CTNND2: variants seen among roughly 807,000 people sequenced by gnomAD.
The protein encoded by CTNND2 is catenin delta 2, also known as catenin delta-2.
Under a neutral mutation model 144.4 loss-of-function variants are expected in CTNND2, and 22 were observed. The observed-to-expected ratio is 0.15, with a 90% CI of 0.11 to 0.22. The LOEUF is 0.22. Among genes scored for constraint, CTNND2 ranks in the 10% least tolerant of loss-of-function variants. CTNND2 has a pLI of 1.00. For missense variants in CTNND2, 1,353 were observed against 1,618.8 expected (o/e 0.84, Z 2.82); for synonymous variants, 751 against 695.6 (o/e 1.08, Z -1.25).
At chr5:11,356,585 T>C (rs1168251873) in intron 8 of CTNND2, among the ~76,000 whole-genome samples, 3 of 151,886 alleles carry the variant, frequency 2.0e-5, no homozygotes, top group Admixed American at 2.0e-4. Context: ...ACCAGAAACT[T>C]TGAAACAACT....
chr5:11,039,090 G>A (rs959766991), intron 16 of CTNND2, among the ~76,000 whole-genome samples: 1 of 152,200 alleles, frequency 6.6e-6, no homozygotes, highest in Non-Finnish European at 1.5e-5. Context: ...AAGCAAGCAA[G>A]CAAGCAAACA....
At chr5:11,570,839 CTTTTT>C (rs954979782) in intron 2 of CTNND2, among the ~76,000 whole-genome samples, 7 of 151,970 alleles carry the variant, frequency 4.6e-5, no homozygotes, top group Admixed American at 2.6e-4. Context: ...TTTTCTCCTC[CTTTTT>C]AACATTACTC....
chr5:11,150,098 G>A (rs573614450), intron 12 of CTNND2, among the ~76,000 whole-genome samples: 38 of 152,284 alleles, frequency 2.5e-4, no homozygotes, highest in African/African-American at 8.9e-4. Context: ...GAAGGCAAGT[G>A]CTAATTCTCT....
intron 2 of CTNND2, among the ~76,000 whole-genome samples, chr5:11,606,115 C>A (rs1341420772): frequency 2.0e-5 from 3 of 152,038 alleles, no homozygotes; most frequent in African/African-American, 4.8e-5. Context: ...AAGCCACGAG[C>A]CAAGGAATAC....
intron 1 of CTNND2, among the ~76,000 whole-genome samples, chr5:11,879,339 G>GTATATA (rs368634452): frequency 0.039 from 3,967 of 100,864 alleles, 355 homozygotes; most frequent in African/African-American, 0.071. Flanking sequence ...AATTAAATGT[G>GTATATA]TGTATATATA....
intron 12 of CTNND2, among the ~76,000 whole-genome samples, chr5:11,150,346 C>G (rs955346918): frequency 6.6e-6 from 1 of 152,164 alleles, no homozygotes; most frequent in Non-Finnish European, 1.5e-5. Flanking sequence ...AGTGACGGGA[C>G]AAAGTCGTTA....
chr5:11,880,442 G>A (rs1261217160), intron 1 of CTNND2, among the ~76,000 whole-genome samples: 1 of 151,088 alleles, frequency 6.6e-6, no homozygotes, highest in Non-Finnish European at 1.5e-5. Context: ...GTCAGGTGTG[G>A]GGGTCTATGA....
intron 1 of CTNND2, among the ~76,000 whole-genome samples, chr5:11,809,996 T>C (rs979064429): frequency 1.3e-5 from 2 of 152,140 alleles, no homozygotes; most frequent in South Asian, 2.1e-4. Context: ...GAAGCAAACA[T>C]ACAGAACCTG....
chr5:11,891,035 C>G (rs1000674724), intron 1 of CTNND2, among the ~76,000 whole-genome samples: 1 of 152,116 alleles, frequency 6.6e-6, no homozygotes, highest in African/African-American at 2.4e-5. Context: ...CTGCAGAAAC[C>G]CTGGTGAGCA....
At chr5:11,177,088 T>C (rs933148787) in intron 11 of CTNND2, among the ~76,000 whole-genome samples, 2 of 152,346 alleles carry the variant, frequency 1.3e-5, no homozygotes, top group South Asian at 2.1e-4. Flanking sequence ...GTACATAATC[T>C]TGTGATTGAA....
At chr5:11,530,020 C>T (rs1241257836) in intron 3 of CTNND2, among the ~76,000 whole-genome samples, 1 of 150,148 alleles carries the variant, frequency 6.7e-6, no homozygotes, top group Non-Finnish European at 1.5e-5. Flanking sequence ...AATATTGTAC[C>T]TTGCAGTAAG....
At chr5:11,482,904 G>C (rs1768420580) in intron 3 of CTNND2, among the ~76,000 whole-genome samples, 1 of 152,092 alleles carries the variant, frequency 6.6e-6, no homozygotes, top group African/African-American at 2.4e-5. Flanking sequence ...TGGTGTGAGA[G>C]GGTCAGCAGG....
At chr5:11,596,728 C>G (rs1779520524) in intron 2 of CTNND2, among the ~76,000 whole-genome samples, 1 of 152,120 alleles carries the variant, frequency 6.6e-6, no homozygotes, top group African/African-American at 2.4e-5. Context: ...TTGGGAAGTT[C>G]AGATGCGTAG....
chr5:11,259,796 C>A lies in CTNND2; in HGVS notation c.1629-22973G>T, dbSNP rs1360262470. ...ACAGGAATAAAAGATCTGAAAAGAA[C>A]CGCTTTGTTGAGGCCATCAGTTTGT... On this transcript the variant is annotated intron_variant, in intron 9 of 21. Transcript: ENST00000304623. Among the ~76,000 whole-genome samples, 3 of 152,144 alleles carry A rather than the reference C, an allele frequency of 2.0e-5. No individual in the cohort carries two copies. The East Asian group carries it at 5.8e-4, about 29-fold the overall frequency.
At chr5:11,815,873 A>C (rs1581930127) in intron 1 of CTNND2, among the ~76,000 whole-genome samples, 1 of 152,050 alleles carries the variant, frequency 6.6e-6, no homozygotes, top group African/African-American at 2.4e-5. Context: ...TGTTCCTTCT[A>C]ACTTTGTGGG....
At chr5:11,343,208 T>TA (rs1754440404) in intron 9 of CTNND2, among the ~76,000 whole-genome samples, 1 of 152,160 alleles carries the variant, frequency 6.6e-6, no homozygotes, top group Non-Finnish European at 1.5e-5. Context: ...TCCTATGACT[T>TA]AGAGTCACAG....
At chr5:11,388,846 G>T (rs1198790514) in intron 6 of CTNND2, among the ~76,000 whole-genome samples, 1 of 152,162 alleles carries the variant, frequency 6.6e-6, no homozygotes, top group Non-Finnish European at 1.5e-5. Context: ...TGTCACAAGA[G>T]TTCAATTCTA....
intron 9 of CTNND2, among the ~76,000 whole-genome samples, chr5:11,269,096 G>A (rs1463580297): frequency 6.6e-6 from 1 of 152,194 alleles, no homozygotes; most frequent in Non-Finnish European, 1.5e-5. Flanking sequence ...CAGCTTCTCT[G>A]CTTACTGACT....
chr5:11,741,157 T>C (rs1379382807), intron 1 of CTNND2, among the ~76,000 whole-genome samples: 1 of 152,204 alleles, frequency 6.6e-6, no homozygotes, highest in East Asian at 1.9e-4. Flanking sequence ...GAAGACAGTG[T>C]GGCAATTCCT....
Sources: gnomAD v4.1 joint callset for allele counts (sites outside exome capture counted in the v4.1 genomes callset) on GRCh38, gnomAD v4.1.1 for gene constraint, MANE v1.5 for transcripts, NCBI Gene and HGNC (gene_info 2026-07-23, HGNC 2026-07-21) for gene names.